The following ATG16L2 variants were observed in gnomAD, a reference collection of about 807,000 sequenced individuals.
ATG16L2 encodes protein Atg16l2.
A neutral mutation model predicts 84.7 loss-of-function variants in ATG16L2; 77 were observed. The ratio of observed to expected loss-of-function variants is 0.91; its 90% confidence interval spans 0.76 to 1.10. ATG16L2 has a LOEUF of 1.10. ATG16L2 is among the 50% of genes least tolerant of loss of function. ATG16L2 has a pLI of 0.00. For missense variants in ATG16L2, 782 were observed against 817.6 expected (o/e 0.96, Z 0.53); for synonymous variants, 361 against 342.8 (o/e 1.05, Z -0.59).
At chr11:72,815,298 C>A (rs879644404) in intron 1 of ATG16L2, among the ~76,000 whole-genome samples, 3 of 152,212 alleles carry the variant, frequency 2.0e-5, no homozygotes, top group Non-Finnish European at 4.4e-5. Flanking sequence ...ACAATCCCTG[C>A]GGCTCTCTCA....
At chr11:72,824,666 G>T (rs2135109044) in intron 8 of ATG16L2, 68 bp from the exon 9 acceptor site, 1 of 1,146,394 alleles carries the variant, frequency 8.7e-7, no homozygotes. Flanking sequence ...TGCCTCAGGG[G>T]AGCTGGAGGC....
At chr11:72,817,362 G>A (rs903747390) in intron 2 of ATG16L2, among the ~76,000 whole-genome samples, 5 of 151,930 alleles carry the variant, frequency 3.3e-5, no homozygotes, top group Non-Finnish European at 7.4e-5. Flanking sequence ...CAGCCTCCTG[G>A]AACGTGCACC....
intron 1 of ATG16L2, 31 bp downstream of exon 1, chr11:72,814,594 G>T (rs1163915585): frequency 1.3e-6 from 2 of 1,513,160 alleles, no homozygotes; most frequent in Non-Finnish European, 9.0e-7. Flanking sequence ...AGAGGATGGC[G>T]GCTGAGGGGA....
chr11:72,821,907 G>A, intron 4 of ATG16L2, 137 bp from the exon 5 acceptor site: 2 of 1,420,818 alleles, frequency 1.4e-6, no homozygotes, highest in Non-Finnish European at 1.8e-6. Context: ...GAGGGCGAAG[G>A]CTTGGGGGAG....
At chr11:72,814,678 T>A in intron 1 of ATG16L2, 115 bp downstream of exon 1, 3 of 787,268 alleles carry the variant, frequency 3.8e-6, no homozygotes, top group East Asian at 3.4e-5. Context: ...GCCTTATGCC[T>A]TGAGCCTGTG....
intron 3 of ATG16L2, among the ~76,000 whole-genome samples, chr11:72,820,879 T>C (rs1859953215): frequency 6.6e-6 from 1 of 151,986 alleles, no homozygotes; most frequent in Non-Finnish European, 1.5e-5. Context: ...GGAGTGCAGA[T>C]GAAATGACCC....
intron 7 of ATG16L2, chr11:72,823,714 C>T (rs934971215): frequency 6.3e-6 from 3 of 479,246 alleles, no homozygotes; most frequent in African/African-American, 2.0e-5. Context: ...TAGGCTCCCC[C>T]CTCCTCCCAT....
chr11:72,838,666 C>T, intron 5 of ATG16L2: 1 of 766,730 alleles, frequency 1.3e-6, no homozygotes, highest in Non-Finnish European at 2.2e-6. Context: ...CCCAGTCACA[C>T]ATAATCCTCC....
chr11:72,828,580 C>G (rs1860498805), intron 15 of ATG16L2, 72 bp downstream of exon 15: 1 of 1,604,116 alleles, frequency 6.2e-7, no homozygotes, highest in Non-Finnish European at 8.5e-7. Context: ...CTGTAATAGA[C>G]CCTCTTGGAG....
At chr11:72,819,953 G>T (rs1030009221) in intron 3 of ATG16L2, among the ~76,000 whole-genome samples, 2 of 152,078 alleles carry the variant, frequency 1.3e-5, no homozygotes, top group Non-Finnish European at 2.9e-5. Flanking sequence ...CACCATGTTA[G>T]CTAGGATGGT....
At chr11:72,841,026 G>T in intron 5 of ATG16L2, 2 of 1,203,718 alleles carry the variant, frequency 1.7e-6, no homozygotes, top group Non-Finnish European at 2.4e-6. Flanking sequence ...ATGCAAGGCT[G>T]GCATGGTGGC....
downstream of ATG16L2, among the ~76,000 whole-genome samples, chr11:72,834,401 T>G (rs910205835): frequency 6.6e-6 from 1 of 152,164 alleles, no homozygotes; most frequent in Non-Finnish European, 1.5e-5. Context: ...TTGTCCCAGG[T>G]CCCAGCGGGA....
At chr11:72,826,945 AC>A (rs1325939491) in intron 13 of ATG16L2, 122 bp downstream of exon 13, 1 of 1,205,722 alleles carries the variant, frequency 8.3e-7, no homozygotes, top group African/African-American at 1.5e-5. Flanking sequence ...TGGGGGTGAA[AC>A]CTCTCAAGGC....
chr11:72,842,423 G>A (rs998132935), intron 5 of ATG16L2, among the ~76,000 whole-genome samples: 2 of 152,238 alleles, frequency 1.3e-5, no homozygotes, highest in Non-Finnish European at 1.5e-5. Flanking sequence ...AGATGGAGGT[G>A]TGGGAGGATG....
downstream of ATG16L2, among the ~76,000 whole-genome samples, chr11:72,831,244 C>T (rs372921987): frequency 1.5e-4 from 23 of 152,342 alleles, no homozygotes; most frequent in East Asian, 1.5e-3. Context: ...CGGTGGCTCA[C>T]GCCTGTAATC....
At chr11:72,818,069 G>A in intron 3 of ATG16L2, 3 of 565,692 alleles carry the variant, frequency 5.3e-6, no homozygotes, top group Non-Finnish European at 9.5e-6. Context: ...GCAGCTGGAG[G>A]GAGTTAGGTG....
chr11:72,830,909 T>C (rs760026309), downstream of ATG16L2, among the ~76,000 whole-genome samples: 159 of 152,220 alleles, frequency 1.0e-3, 1 homozygote, highest in Admixed American at 3.3e-3. Context: ...GGCCTATAGG[T>C]GCATGCCACC....
At position 72,828,488 on chromosome 11, in the gene ATG16L2, C is replaced by T; in HGVS notation, c.1602C>T (p.Ser534=). ...TCAAGGTCATCGACCTGCGTGTCAGCAACATCCGCCAGGTGTTCAGGTACC... is the reference window on the plus strand; with the variant it reads ...TCAAGGTCATCGACCTGCGTGTCAGTAACATCCGCCAGGTGTTCAGGTACC... ...NTLKVIDLRV[S]NIRQVFRADG... is the part of the protein sequence containing the mutation. Residue 534 remains serine (S), a synonymous_variant, in exon 15 of 18, where the codon AGC becomes AGT. Coordinates refer to ENST00000321297, the MANE Select transcript of ATG16L2 (RefSeq NM_033388.2). 1.2e-6 allele frequency: 2 copies of T among 1,614,196 alleles called. No homozygotes were observed. The highest frequency in any genetic ancestry group is 1.7e-6 in the Non-Finnish European group (2 of 1,180,044).
chr11:72,822,744 G>C lies in ATG16L2; in HGVS notation c.711-104G>C. Reference sequence around the variant, plus strand: ...ACCGCTGCACGTGTACACCCACACAGAACCCTCATCACTGGGAATTCCTGT... The same window carrying C: ...ACCGCTGCACGTGTACACCCACACACAACCCTCATCACTGGGAATTCCTGT... On this transcript the variant is annotated intron_variant, in intron 6 of 17. Transcript: ENST00000321297. This position sits in a 1 kb window ranked among gnomAD's most constrained non-coding sequence, Gnocchi z 4.2. 3.8e-6 allele frequency: 4 copies of C among 1,065,934 alleles called. No homozygotes were observed. The South Asian group carries it at 6.2e-5, about 16-fold the overall frequency. The allele number at this position is 1,065,934 out of a possible 1,614,324, so 66.0% of individuals were successfully genotyped here. A position where few individuals can be genotyped will look rare whatever the true frequency, so the allele number is the denominator to read the frequency against.
Sources: allele counts gnomAD v4.1 joint callset (sites outside exome capture counted in the v4.1 genomes callset), GRCh38; gene constraint gnomAD v4.1.1; non-coding constraint Gnocchi (gnomAD v3.1); transcripts MANE v1.5; gene names NCBI Gene and HGNC (gene_info 2026-07-23, HGNC 2026-07-21).